The following TEX2 variants were observed in gnomAD, a reference collection of about 807,000 sequenced individuals.
The protein encoded by TEX2 is testis expressed 2.
In TEX2, 53 loss-of-function variants were observed where a neutral mutation model predicts 106.9. That is an observed-to-expected ratio of 0.50 (90% CI 0.40 to 0.62). The LOEUF (loss-of-function observed/expected upper bound fraction) is 0.62. TEX2 is among the 20% of genes least tolerant of loss of function. The pLI is 0.00. For missense variants in TEX2, 1,207 were observed against 1,379.0 expected (o/e 0.88, Z 1.98); for synonymous variants, 523 against 534.8 (o/e 0.98, Z 0.30).
At chr17:64,149,199 A>AT in intron 11 of TEX2, 108 bp from the exon 12 acceptor site, 2 of 1,271,966 alleles carry the variant, frequency 1.6e-6, no homozygotes, top group Non-Finnish European at 2.2e-6. Context: ...AAAAGTACAT[A>AT]TAAAAACTTG....
intron 1 of TEX2, among the ~76,000 whole-genome samples, chr17:64,246,894 C>T (rs1468964898): frequency 2.6e-5 from 4 of 152,202 alleles, no homozygotes; most frequent in African/African-American, 9.6e-5. Context: ...GAGGGACCCC[C>T]TTTTCTTGCT....
chr17:64,196,998 T>TTTTTTTC (rs2032494966), intron 2 of TEX2, among the ~76,000 whole-genome samples: 1 of 146,230 alleles, frequency 6.8e-6, no homozygotes, highest in African/African-American at 2.5e-5. Context: ...TTTTTTTTTT[T>TTTTTTTC]TTTTTTTTGG....
chr17:64,221,410 A>G (rs1224897622), intron 1 of TEX2, among the ~76,000 whole-genome samples: 1 of 152,220 alleles, frequency 6.6e-6, no homozygotes, highest in Non-Finnish European at 1.5e-5. Flanking sequence ...CAGTTCTCCA[A>G]AAAGATATAC....
chr17:64,213,279 A>G lies in TEX2; in HGVS notation c.939T>C (p.Ser313=), dbSNP rs1188909350. 3.7e-6 allele frequency: 6 copies of G among 1,614,164 alleles called. No homozygotes were observed. The highest frequency in any genetic ancestry group is 8.5e-7 in the Non-Finnish European group (1 of 1,180,032). Residue 313 remains serine, a synonymous_variant, in exon 2 of 12, where the codon AGT becomes AGC. Coordinates refer to ENST00000584379, the MANE Select transcript of TEX2 (RefSeq NM_001288732.2). The surrounding 1 kb of genome is among the most constrained non-coding windows in gnomAD (Gnocchi z 4.4). ...QLLSKIIGEE[S]GSHRPKALSS... ...ATAAGGCTTTGGGCCTATGGCTGCC[A>G]CTTTCTTCCCCTATAATTTTACTAA...
At chr17:64,174,713 C>T (rs1598140409) in intron 6 of TEX2, among the ~76,000 whole-genome samples, 1 of 152,200 alleles carries the variant, frequency 6.6e-6, no homozygotes, top group African/African-American at 2.4e-5. Flanking sequence ...AAGTTAGAAG[C>T]TGTATGCGAT....
intron 1 of TEX2, among the ~76,000 whole-genome samples, chr17:64,232,375 T>C (rs1322594010): frequency 1.3e-5 from 2 of 152,240 alleles, no homozygotes; most frequent in Admixed American, 6.5e-5. Context: ...TTTTCAATAT[T>C]CTTACATTGT....
At position 64,165,393 on chromosome 17, in the gene TEX2, C is replaced by T. The variant is rs866967758; in HGVS notation, c.2672-4460G>A. Among the ~76,000 whole-genome samples, 6 of 152,308 alleles carry T rather than the reference C, an allele frequency of 3.9e-5. No homozygotes were observed. In the South Asian group the frequency reaches 1.2e-3, roughly 32 times the overall value. On this transcript the variant is annotated intron_variant, in intron 7 of 11. Coordinates refer to ENST00000584379, the MANE Select transcript of TEX2 (RefSeq NM_001288732.2). The stretch of plus-strand genomic sequence containing the variant: ...CAAGCTGCAAATCAGGGTCCCCTGT[C>T]CCCCACCCGACCCATGTTCCACAAG...
chr17:64,230,896 C>T (rs2033641036), intron 1 of TEX2: 1 of 152,204 alleles, frequency 6.6e-6, no homozygotes, highest in Admixed American at 6.5e-5. Flanking sequence ...GGAAAGCAAA[C>T]CAGAGTGCAC....
chr17:64,232,805 G>C (rs2033686789), intron 1 of TEX2, among the ~76,000 whole-genome samples: 1 of 152,150 alleles, frequency 6.6e-6, no homozygotes, highest in Admixed American at 6.5e-5. Flanking sequence ...GTTCATCCTG[G>C]GTAAAAGCAT....
Position 64,214,045 on chromosome 17 carries a change from T to A in TEX2, c.173A>T (p.Glu58Val). ...EEEEFREYFE[E>V]GLDDQSIVTG... ...TACAATGCTTTGGTCATCCAGCCCC[T>A]CCTCAAAGTACTCCCTGAACTCCTC... Residue 58 changes from glutamate to valine, a missense_variant, in exon 2 of 12, where the codon GAG becomes GTG. Coordinates refer to ENST00000584379, the MANE Select transcript of TEX2 (RefSeq NM_001288732.2). The A allele has an allele frequency of 6.2e-7, 1 of 1,614,174 alleles. No homozygotes were observed. The highest frequency in any genetic ancestry group is 1.6e-4 in the Middle Eastern group (1 of 6,062).
rs1388136296 is a variant in TEX2 at position 64,188,428 on chromosome 17, A to C, written c.2177-13T>G. 6.2e-7 allele frequency: 1 copy of C among 1,613,894 alleles called. No homozygotes were observed. The highest frequency in any genetic ancestry group is 8.5e-7 in the Non-Finnish European group (1 of 1,179,856). The stretch of plus-strand genomic sequence containing the variant: ...GCAGGCAAAAGCCCTGGAGCCAAGA[A>C]GACGGGGGCTATTCACACAATGAAG... On this transcript the variant is annotated splice_polypyrimidine_tract_variant and intron_variant, in intron 4 of 11. Coordinates refer to ENST00000584379, the MANE Select transcript of TEX2 (RefSeq NM_001288732.2).
intron 1 of TEX2, among the ~76,000 whole-genome samples, chr17:64,259,889 C>T (rs1018558751): frequency 6.6e-5 from 10 of 152,160 alleles, no homozygotes; most frequent in African/African-American, 2.2e-4. Flanking sequence ...AGTCTAAGAC[C>T]CCATACATTA....
chr17:64,215,804 A>G (rs1267597447), intron 1 of TEX2, among the ~76,000 whole-genome samples: 3 of 152,194 alleles, frequency 2.0e-5, no homozygotes, highest in Non-Finnish European at 2.9e-5. Context: ...TAATTTGAAG[A>G]GCTCCTAATT....
chr17:64,246,755 C>G (rs116347495), intron 1 of TEX2, among the ~76,000 whole-genome samples: 2 of 152,146 alleles, frequency 1.3e-5, no homozygotes, highest in African/African-American at 2.4e-5. Flanking sequence ...GGAGGCTGCA[C>G]GAGGAGAAGG....
intron 5 of TEX2, among the ~76,000 whole-genome samples, chr17:64,179,470 A>G (rs1231412329): frequency 1.3e-5 from 2 of 152,164 alleles, no homozygotes; most frequent in Non-Finnish European, 2.9e-5. Flanking sequence ...GAAGCTTTGT[A>G]CTTTTGCTCT....
chr17:64,192,402 G>A (rs1193809951), intron 4 of TEX2, among the ~76,000 whole-genome samples: 1 of 152,190 alleles, frequency 6.6e-6, no homozygotes, highest in Non-Finnish European at 1.5e-5. Context: ...GTGGAGTGAT[G>A]CGGCTGCGGG....
At chr17:64,239,875 CAAAAAAAAAAAAAAA>C (rs61705973) in intron 1 of TEX2, among the ~76,000 whole-genome samples, 3 of 29,634 alleles carry the variant, frequency 1.0e-4, no homozygotes, top group South Asian at 2.3e-3. Context: ...GACTCTGTCT[CAAAAAAAAAAAAAAA>C]AAAAAAAAAA....
At chr17:64,151,481 C>A (rs963578899) in intron 10 of TEX2, among the ~76,000 whole-genome samples, 1 of 152,152 alleles carries the variant, frequency 6.6e-6, no homozygotes, top group Non-Finnish European at 1.5e-5. Context: ...TCATCCTACA[C>A]CCCAACAATA....
At chr17:64,149,996 A>C (rs1484316311) in intron 11 of TEX2, 2 of 151,950 alleles carry the variant, frequency 1.3e-5, no homozygotes, top group East Asian at 3.8e-4. Flanking sequence ...GGTTCAAAGT[A>C]CTTTTCTATT....
Sources: allele counts gnomAD v4.1 joint callset (sites outside exome capture counted in the v4.1 genomes callset), GRCh38; gene constraint gnomAD v4.1.1; non-coding constraint Gnocchi (gnomAD v3.1); transcripts MANE v1.5; gene names NCBI Gene and HGNC (gene_info 2026-07-23, HGNC 2026-07-21).